The following PDZRN3 variants were observed in gnomAD, a reference collection of about 807,000 sequenced individuals.
The protein encoded by PDZRN3 is PDZ domain containing ring finger 3, also known as E3 ubiquitin-protein ligase PDZRN3.
A neutral mutation model predicts 85.7 loss-of-function variants in PDZRN3; 38 were observed. That is an observed-to-expected ratio of 0.44 (90% confidence interval 0.34 to 0.58). The LOEUF (loss-of-function observed/expected upper bound fraction) is 0.58, where lower values mean the gene tolerates loss of function less well. Ranked by LOEUF, PDZRN3 falls within the 20% of genes least tolerant of loss-of-function variation. PDZRN3 has a pLI of 0.01. For synonymous variants in PDZRN3, 759 were observed against 638.0 expected, an observed-to-expected ratio of 1.19 and a Z score of -2.86; for missense variants, 1,629 against 1,506.4, an observed-to-expected ratio of 1.08 and a Z score of -1.35.
chr3:73,484,232 G>T (rs1178070245), intron 3 of PDZRN3, among the ~76,000 whole-genome samples: 2 of 152,152 alleles, frequency 1.3e-5, no homozygotes, highest in Non-Finnish European at 2.9e-5. Context: ...AGGAGAAGGA[G>T]AAAGAGAAAG....
rs1402008215 is a variant in PDZRN3, at chr3:73,383,689, G to A, written c.2877C>T (p.Thr959=). 6.2e-7 allele frequency: 1 copy of A among 1,611,798 alleles called. No homozygotes were observed. Among genetic ancestry groups the A allele is most frequent in the Non-Finnish European group, 8.5e-7 (1 of 1,180,020 alleles). ...TCATCTCGCTCACCGCGTCGTCGTC[G>A]GTGGTCATGCCGCTGCGCTCTTCCC... The part of the protein sequence containing the change: ...KIREERSGMT[T]DDDAVSEMKM... Residue 959 remains threonine (T), a synonymous_variant, in exon 10 of 10, where the codon ACC becomes ACT. Transcript: ENST00000263666.
intron 3 of PDZRN3, among the ~76,000 whole-genome samples, chr3:73,487,707 C>T (rs911720522): frequency 1.3e-5 from 2 of 152,200 alleles, no homozygotes; most frequent in African/African-American, 2.4e-5. Flanking sequence ...CTCCAAGCAC[C>T]TATAAACAGC....
chr3:73,505,281 A>C (rs1704049984), intron 3 of PDZRN3, among the ~76,000 whole-genome samples: 1 of 152,204 alleles, frequency 6.6e-6, no homozygotes, highest in South Asian at 2.1e-4. Context: ...GCCCTTTGAG[A>C]AAACCCCAGT....
chr3:73,416,674 C>A (rs1019817715), intron 3 of PDZRN3, among the ~76,000 whole-genome samples: 18 of 152,142 alleles, frequency 1.2e-4, no homozygotes, highest in African/African-American at 4.1e-4. Context: ...GCTAGAAAAG[C>A]CACTGAATCT....
intron 3 of PDZRN3, among the ~76,000 whole-genome samples, chr3:73,554,063 CAG>C (rs1701630365): frequency 1.3e-5 from 2 of 152,328 alleles, no homozygotes; most frequent in South Asian, 4.1e-4. Context: ...ATGACCAGCA[CAG>C]AGCTGCTGAG....
At chr3:73,406,077 C>T (rs1210628082) in intron 3 of PDZRN3, among the ~76,000 whole-genome samples, 1 of 151,436 alleles carries the variant, frequency 6.6e-6, no homozygotes, top group African/African-American at 2.5e-5. Flanking sequence ...AATTTATTTA[C>T]ATCACGAGGG....
At chr3:73,438,411 T>C (rs980060467) in intron 3 of PDZRN3, among the ~76,000 whole-genome samples, 1 of 152,258 alleles carries the variant, frequency 6.6e-6, no homozygotes, top group Non-Finnish European at 1.5e-5. Context: ...ATTTGCCTGA[T>C]ACCTAAAATA....
intron 3 of PDZRN3, among the ~76,000 whole-genome samples, chr3:73,414,547 C>A (rs141011857): frequency 1.8e-3 from 270 of 152,202 alleles, no homozygotes; most frequent in African/African-American, 6.3e-3. Flanking sequence ...GTTTACAGAC[C>A]ATGTGGAAAA....
At position 73,384,174 on chromosome 3, in the gene PDZRN3, T is replaced by G. The variant is rs1701289437; in HGVS notation, c.2392A>C (p.Thr798Pro). The G allele has an allele frequency of 6.2e-7, 1 of 1,614,080 alleles. No homozygotes were observed. Among genetic ancestry groups the G allele is most frequent in the Non-Finnish European group, 8.5e-7 (1 of 1,180,026 alleles). Residue 798 changes from threonine to proline, a missense_variant, in exon 10 of 10, where the codon ACG becomes CCG. Coordinates refer to ENST00000263666, the MANE Select transcript of PDZRN3 (RefSeq NM_015009.3). Reference protein sequence around the residue: ...CPSSEGAVGTTEAYGPASKNL... With the variant: ...CPSSEGAVGTPEAYGPASKNL... The stretch of plus-strand genomic sequence containing the variant: ...TTGGAGGCTGGCCCGTAGGCTTCCG[T>G]GGTCCCCACAGCCCCTTCGCTGCTC...
chr3:73,599,834 C>CACAGATGTG (rs1443490182), intron 3 of PDZRN3, among the ~76,000 whole-genome samples: 4 of 152,212 alleles, frequency 2.6e-5, no homozygotes, highest in Admixed American at 2.6e-4. Context: ...AGTGAGTCTA[C>CACAGATGTG]ACAGATGTGA....
rs372927728 is a variant in PDZRN3 at position 73,498,394 on chromosome 3, A to G, written c.919-93999T>C. The stretch of plus-strand genomic sequence containing the variant: ...ACCGCTGGCTCCAGTATCAAAAGAG[A>G]ACACAGGACTCTAAGCACTGCTTTC... On this transcript the variant is annotated intron_variant, in intron 3 of 9. Transcript: ENST00000263666. Among the ~76,000 whole-genome samples, 4 of 152,248 alleles carry G rather than the reference A, an allele frequency of 2.6e-5. No individual in the cohort carries two copies. In the East Asian group the frequency reaches 5.8e-4, roughly 22 times the overall value.
rs769328856 is a variant in PDZRN3 at position 73,383,713 on chromosome 3, C to T, written c.2853G>A (p.Arg951=). 3 of 1,611,742 alleles carry T rather than the reference C, an allele frequency of 1.9e-6. No homozygotes were observed. In the African/African-American group the frequency reaches 4.0e-5, roughly 22 times the overall value. The change falls in exon 10 of 10, where the codon CGG becomes CGA. Residue 951 remains arginine, a synonymous_variant. Coordinates refer to ENST00000263666, the MANE Select transcript of PDZRN3 (RefSeq NM_015009.3). ...RLLRERALKI[R]EERSGMTTDD... is the part of the protein sequence containing the mutation. ...CGGTGGTCATGCCGCTGCGCTCTTCCCGGATCTTCAGGGCGCGCTCCCGCA... is the reference window on the plus strand; with the variant it reads ...CGGTGGTCATGCCGCTGCGCTCTTCTCGGATCTTCAGGGCGCGCTCCCGCA...
intron 1 of PDZRN3, among the ~76,000 whole-genome samples, chr3:73,621,110 T>A (rs1013830746): frequency 2.0e-5 from 3 of 152,202 alleles, no homozygotes; most frequent in Non-Finnish European, 4.4e-5. Context: ...TCAGAATCTC[T>A]AGGGGTGAGA....
intron 3 of PDZRN3, among the ~76,000 whole-genome samples, chr3:73,478,557 G>GTAA (rs751778279): frequency 2.7e-5 from 4 of 150,694 alleles, no homozygotes; most frequent in Admixed American, 2.7e-4. Context: ...TAATAATAAT[G>GTAA]TAATAATAAT....
chr3:73,475,793 A>G (rs1028216236), intron 3 of PDZRN3, among the ~76,000 whole-genome samples: 1 of 152,236 alleles, frequency 6.6e-6, no homozygotes, highest in African/African-American at 2.4e-5. Context: ...ATGTACCAGA[A>G]TATTAAAGTA....
intron 3 of PDZRN3, among the ~76,000 whole-genome samples, chr3:73,444,976 G>T (rs1702719798): frequency 1.3e-5 from 2 of 152,200 alleles, no homozygotes; most frequent in Non-Finnish European, 2.9e-5. Context: ...GGTCTTGAGG[G>T]CAAATGAATG....
At chr3:73,405,764 T>C (rs1019518064) in intron 3 of PDZRN3, among the ~76,000 whole-genome samples, 1 of 152,246 alleles carries the variant, frequency 6.6e-6, no homozygotes, top group African/African-American at 2.4e-5. Context: ...ATTTGGCATA[T>C]ATACATTTTC....
rs763846355 is a variant in PDZRN3 at position 73,596,852 on chromosome 3, G to A, written c.918+5502C>T. Among the ~76,000 whole-genome samples the A allele has an allele frequency of 2.0e-5, 3 of 152,306 alleles. No individual in the cohort carries two copies. The East Asian group carries it at 5.8e-4, about 29-fold the overall frequency. On this transcript the variant is annotated intron_variant, in intron 3 of 9. Coordinates refer to ENST00000263666, the MANE Select transcript of PDZRN3 (RefSeq NM_015009.3). Reference sequence around the variant, plus strand: ...CATTAGCAAGATCAGAATAAATTCTGAAGATTAGATAACAGTTTTGTACCA... The same window carrying A: ...CATTAGCAAGATCAGAATAAATTCTAAAGATTAGATAACAGTTTTGTACCA...
At chr3:73,591,601 A>T (rs1258383665) in intron 3 of PDZRN3, among the ~76,000 whole-genome samples, 1 of 152,162 alleles carries the variant, frequency 6.6e-6, no homozygotes, top group Non-Finnish European at 1.5e-5. Flanking sequence ...GCCTCTAAAG[A>T]CCCACAGGAA....
Sources: gnomAD v4.1 joint callset for allele counts (sites outside exome capture counted in the v4.1 genomes callset) on GRCh38, gnomAD v4.1.1 for gene constraint, MANE v1.5 for transcripts, NCBI Gene and HGNC (gene_info 2026-07-23, HGNC 2026-07-21) for gene names.